Variants in GTF2H3 observed in about 807,000 individuals in gnomAD.
GTF2H3 encodes the protein general transcription factor IIH subunit 3.
In GTF2H3, 42 loss-of-function variants were observed where a neutral mutation model predicts 51.1. The observed-to-expected ratio is 0.82, with a 90% CI of 0.64 to 1.06. The LOEUF is 1.06. GTF2H3 is among the 50% of genes least tolerant of loss of function. The pLI, the probability that GTF2H3 is intolerant of heterozygous loss-of-function variation, is 0.00. For missense variants in GTF2H3, 326 were observed against 366.1 expected (o/e 0.89, Z 0.89); for synonymous variants, 123 against 123.8 (o/e 0.99, Z 0.04).
chr12:123,642,368 G>A (rs1183543590), intron 2 of GTF2H3, among the ~76,000 whole-genome samples: 1 of 151,108 alleles, frequency 6.6e-6, no homozygotes, highest in Admixed American at 6.6e-5. Flanking sequence ...ACGGGGTTTC[G>A]CCGTGTTGGC....
At chr12:123,659,228 A>T in intron 9 of GTF2H3, 1 of 356,708 alleles carries the variant, frequency 2.8e-6, no homozygotes, top group Non-Finnish European at 5.2e-6. Context: ...TTAGCCAGGC[A>T]TGGTGGCGCA....
At chr12:123,639,041 T>C (rs554470248) in intron 1 of GTF2H3, among the ~76,000 whole-genome samples, 6 of 152,136 alleles carry the variant, frequency 3.9e-5, no homozygotes, top group East Asian at 1.9e-4. Flanking sequence ...GTGATCTGCC[T>C]GCCTCGGCCT....
chr12:123,657,968 G>C (rs993416544), intron 9 of GTF2H3, among the ~76,000 whole-genome samples: 3 of 152,208 alleles, frequency 2.0e-5, no homozygotes, highest in Non-Finnish European at 1.5e-5. Flanking sequence ...TCAGCAACCA[G>C]GAGAGCTTGA....
At chr12:123,639,168 G>A in intron 1 of GTF2H3, 96 bp from the exon 2 acceptor site, 3 of 685,810 alleles carry the variant, frequency 4.4e-6, no homozygotes, top group Non-Finnish European at 5.3e-6. Context: ...GGCATATAGT[G>A]GTGCTCTGGA....
chr12:123,658,474 C>T lies in GTF2H3; in HGVS notation c.616-1042C>T, dbSNP rs548963765. On this transcript the variant is annotated intron_variant, in intron 9 of 12. Transcript: ENST00000543341. ...ACCTCAAGTGATCCGCGATTACAGG[C>T]GTGAGCCACCGCGCCCGGCCTAATT... 2.0e-5 allele frequency among the ~76,000 whole-genome samples: 3 copies of T among 152,232 alleles called. No individual in the cohort carries two copies. The South Asian group carries it at 6.2e-4, about 32-fold the overall frequency.
chr12:123,640,461 C>T (rs778256238), intron 2 of GTF2H3, among the ~76,000 whole-genome samples: 58 of 151,376 alleles, frequency 3.8e-4, no homozygotes, highest in Non-Finnish European at 7.9e-4. Context: ...CTCAGCCTTC[C>T]GAGTAGCTGG....
intron 1 of GTF2H3, among the ~76,000 whole-genome samples, chr12:123,638,081 T>A (rs941697404): frequency 6.6e-6 from 1 of 152,066 alleles, no homozygotes; most frequent in Non-Finnish European, 1.5e-5. Context: ...CACTGTAGCC[T>A]CGACTTCCCG....
At chr12:123,655,644 C>T (rs1021678665) in intron 8 of GTF2H3, 127 bp from the exon 9 acceptor site, 5 of 619,880 alleles carry the variant, frequency 8.1e-6, no homozygotes, top group African/African-American at 5.6e-5. Context: ...AAATATCTGC[C>T]GTGCAGAGTC....
intron 2 of GTF2H3, among the ~76,000 whole-genome samples, chr12:123,644,779 A>G (rs1955424555): frequency 6.6e-6 from 1 of 152,244 alleles, no homozygotes; most frequent in Non-Finnish European, 1.5e-5. Context: ...GTTAGTGAAC[A>G]AATGAATTAA....
intron 3 of GTF2H3, among the ~76,000 whole-genome samples, chr12:123,646,191 T>G (rs1348462452): frequency 1.3e-5 from 2 of 152,110 alleles, no homozygotes; most frequent in African/African-American, 4.8e-5. Context: ...GGGCCATATT[T>G]ACTTCTCACA....
rs79670068 is a variant in GTF2H3 at position 123,645,447 on chromosome 12, T to C, written c.94-8T>C. On this transcript the variant is annotated splice_region_variant and splice_polypyrimidine_tract_variant and intron_variant, in intron 2 of 12. Coordinates refer to ENST00000543341, the MANE Select transcript of GTF2H3 (RefSeq NM_001516.5). ...TTTGTTTTTCTAATGTCTTTTTTTT[T>C]CCAACAGTTCACTTTATCCAAATGC... 4.8e-5 allele frequency: 70 copies of C among 1,460,144 alleles called. No individual in the cohort carries two copies. The highest frequency in any genetic ancestry group is 1.4e-4 in the African/African-American group (10 of 71,970). The allele number at this position is 1,460,144 out of a possible 1,614,324, so 90.4% of individuals were successfully genotyped here. A position where few individuals can be genotyped will look rare whatever the true frequency, so the allele number is the denominator to read the frequency against.
chr12:123,633,991 G>A, intron 1 of GTF2H3, 119 bp downstream of exon 1: 1 of 1,028,276 alleles, frequency 9.7e-7, no homozygotes, highest in Admixed American at 1.8e-5. Flanking sequence ...CTTTAGAGGA[G>A]TAGCCAAGGC....
At chr12:123,651,348 C>T (rs1026194999) in intron 5 of GTF2H3, among the ~76,000 whole-genome samples, 2 of 152,102 alleles carry the variant, frequency 1.3e-5, no homozygotes, top group African/African-American at 4.8e-5. Flanking sequence ...GTAGCTGGTA[C>T]AGGCACCCGC....
intron 1 of GTF2H3, 51 bp from the exon 2 acceptor site, chr12:123,639,213 C>A: frequency 1.1e-6 from 1 of 872,758 alleles, no homozygotes; most frequent in South Asian, 1.4e-5. Context: ...AGCTTTGATT[C>A]ATTTTTATGG....
intron 11 of GTF2H3, 29 bp from the exon 12 acceptor site, chr12:123,660,017 T>C (rs1244912446): frequency 6.3e-7 from 1 of 1,591,978 alleles, no homozygotes; most frequent in Admixed American, 1.8e-5. Flanking sequence ...TCAGCCACCC[T>C]ATTGTTTCTT....
chr12:123,659,266 C>T (rs1316230650), intron 9 of GTF2H3: 1 of 425,280 alleles, frequency 2.4e-6, no homozygotes, highest in African/African-American at 2.0e-5. Context: ...ACTGGGGAAG[C>T]TGAGGCAGGA....
At chr12:123,647,931 G>GTGTAACCAGGTTTTTTCCCCTGC (rs1368005909) in intron 3 of GTF2H3, 32 bp from the exon 4 acceptor site, 1 of 1,591,156 alleles carries the variant, frequency 6.3e-7, no homozygotes, top group Non-Finnish European at 8.6e-7. Flanking sequence ...GTGAGGCCTG[G>GTGTAACCAGGTTTTTTCCCCTGC]TGTAACCAGG....
chr12:123,661,306 G>A lies in GTF2H3; in HGVS notation c.*1071G>A, dbSNP rs1015012914. 2 of 152,058 alleles carry A rather than the reference G, an allele frequency of 1.3e-5. No homozygotes were observed. The highest frequency in any genetic ancestry group is 6.6e-5 in the Admixed American group (1 of 15,242). The allele number at this position is 152,058 out of a possible 1,614,324, so 9.4% of individuals were successfully genotyped here. ...AGCTTCTAGCACATATTTGTACAAA[G>A]AGTTTAAGGAATGGTGGCTGGTTTG... is the stretch of plus-strand genomic sequence containing the variant. On this transcript the variant is annotated 3_prime_UTR_variant, in exon 13 of 13. Coordinates refer to ENST00000543341, the MANE Select transcript of GTF2H3 (RefSeq NM_001516.5).
intron 1 of GTF2H3, among the ~76,000 whole-genome samples, chr12:123,636,771 G>T (rs1214611201): frequency 6.6e-6 from 1 of 152,208 alleles, no homozygotes; most frequent in Non-Finnish European, 1.5e-5. Flanking sequence ...TACAAAATTA[G>T]CTGGGCGTGG....
Sources: gnomAD v4.1 joint callset for allele counts (sites outside exome capture counted in the v4.1 genomes callset) on GRCh38, gnomAD v4.1.1 for gene constraint, MANE v1.5 for transcripts, NCBI Gene and HGNC (gene_info 2026-07-23, HGNC 2026-07-21) for gene names.